PHF24: variants seen among roughly 807,000 people sequenced by gnomAD.
The protein encoded by PHF24 is PHD finger protein 24.
A neutral mutation model predicts 42.6 loss-of-function variants in PHF24; 25 were observed. That is an observed-to-expected ratio of 0.59 (90% confidence interval 0.43 to 0.82). The LOEUF (loss-of-function observed/expected upper bound fraction) is 0.82. PHF24 is among the 40% of genes least tolerant of loss of function. The probability of loss-of-function intolerance (pLI) is 0.00; values close to 1 mark genes in which losing one functional copy is unlikely to be tolerated. For synonymous variants in PHF24, 185 were observed against 204.8 expected (o/e 0.90, Z 0.83); for missense variants, 470 against 538.1 (o/e 0.87, Z 1.25).
At chr9:34,710,764 AC>A in the PHF24 span, among the ~76,000 whole-genome samples, 2 of 151,822 alleles carry the variant, frequency 1.3e-5, no homozygotes, top group African/African-American at 4.8e-5. Flanking sequence ...ACATGCCACT[AC>A]GTCCGGCTAC....
At chr9:34,753,824 A>G in the PHF24 span, among the ~76,000 whole-genome samples, 57 of 152,096 alleles carry the variant, frequency 3.7e-4, no homozygotes, top group Non-Finnish European at 1.8e-4. Flanking sequence ...AAACTCAGAA[A>G]CAAATCCATG....
the PHF24 span, chr9:34,729,320 A>G: frequency 1.3e-6 from 2 of 1,552,148 alleles, no homozygotes; most frequent in Non-Finnish European, 8.7e-7. Flanking sequence ...AACTCAATTC[A>G]TGGTGGCTCC....
At chr9:34,980,033 A>G (rs1210042787) in exon 8 of PHF24, 1 of 151,954 alleles carries the variant, frequency 6.6e-6, no homozygotes, top group Non-Finnish European at 1.5e-5. Flanking sequence ...GCTCTTACCT[A>G]CTCTCCTGGC....
the PHF24 span, among the ~76,000 whole-genome samples, chr9:34,702,807 CT>C: frequency 6.6e-6 from 1 of 151,970 alleles, no homozygotes; most frequent in African/African-American, 2.4e-5. Context: ...AAGACCCTGT[CT>C]CAAAAAAAGA....
At chr9:34,875,934 A>ACTCTCTCT in the PHF24 span, among the ~76,000 whole-genome samples, 455 of 77,682 alleles carry the variant, frequency 5.9e-3, 4 homozygotes, top group Non-Finnish European at 8.6e-3. Context: ...ACACACACAC[A>ACTCTCTCT]CACACACACA....
At chr9:34,770,706 G>C in the PHF24 span, among the ~76,000 whole-genome samples, 7 of 152,056 alleles carry the variant, frequency 4.6e-5, no homozygotes, top group African/African-American at 1.7e-4. Context: ...CGGGATGGCG[G>C]TATGGGTTAG....
At chr9:34,981,025 T>C (rs1248543836) in exon 8 of PHF24, 1 of 152,390 alleles carries the variant, frequency 6.6e-6, no homozygotes, top group African/African-American at 2.4e-5. Flanking sequence ...TGGCTTCCTC[T>C]CCTGAGCCCA....
the PHF24 span, among the ~76,000 whole-genome samples, chr9:34,773,280 G>A: frequency 1.3e-5 from 2 of 152,170 alleles, no homozygotes; most frequent in African/African-American, 4.8e-5. Flanking sequence ...ATGAGCCACC[G>A]TGCCCGGCCC....
the PHF24 span, among the ~76,000 whole-genome samples, chr9:34,930,731 C>T: frequency 1.3e-5 from 2 of 152,192 alleles, no homozygotes; most frequent in African/African-American, 4.8e-5. Context: ...TGGAGAGGAA[C>T]TAGCCCAGAT....
At chr9:34,734,147 CAATT>C in the PHF24 span, among the ~76,000 whole-genome samples, 1 of 152,186 alleles carries the variant, frequency 6.6e-6, no homozygotes, top group South Asian at 2.1e-4. Context: ...TAGGTCAACT[CAATT>C]AACCTTAATC....
the PHF24 span, among the ~76,000 whole-genome samples, chr9:34,910,580 A>C: frequency 1.3e-5 from 2 of 152,344 alleles, no homozygotes; most frequent in Middle Eastern, 3.4e-3. Flanking sequence ...TGTATTTGTC[A>C]ATTAAAATAT....
the PHF24 span, chr9:34,922,598 C>T: frequency 3.1e-6 from 3 of 958,452 alleles, no homozygotes; most frequent in Non-Finnish European, 5.1e-6. Context: ...TTGTGAAGCA[C>T]TGGGGATCAA....
the PHF24 span, among the ~76,000 whole-genome samples, chr9:34,765,962 C>T: frequency 6.6e-6 from 1 of 151,586 alleles, no homozygotes; most frequent in South Asian, 2.1e-4. Flanking sequence ...ACTTATGAAG[C>T]TTAGTTTGGC....
chr9:34,727,074 C>T, the PHF24 span: 1 of 1,475,302 alleles, frequency 6.8e-7, no homozygotes, highest in Non-Finnish European at 9.0e-7. Flanking sequence ...ACTCTCCTTT[C>T]CCAGTCCTGA....
the PHF24 span, among the ~76,000 whole-genome samples, chr9:34,670,054 T>G: frequency 1.3e-5 from 2 of 152,186 alleles, no homozygotes; most frequent in African/African-American, 2.4e-5. Flanking sequence ...CATAAAACTT[T>G]CTGGTTGATG....
the PHF24 span, among the ~76,000 whole-genome samples, chr9:34,699,537 T>C: frequency 6.6e-6 from 1 of 152,344 alleles, no homozygotes; most frequent in East Asian, 1.9e-4. Flanking sequence ...TTAACCCTTT[T>C]TGAGCATGCC....
At chr9:34,785,055 C>A in the PHF24 span, among the ~76,000 whole-genome samples, 1 of 152,186 alleles carries the variant, frequency 6.6e-6, no homozygotes. Context: ...TAACAAGATG[C>A]CACAGACTGG....
At chr9:34,832,557 T>C in the PHF24 span, 3 of 1,537,608 alleles carry the variant, frequency 2.0e-6, no homozygotes, top group South Asian at 1.2e-5. Context: ...CTTTGCAACA[T>C]TTTCTTTTCT....
At chr9:34,895,810 C>T in the PHF24 span, 1 of 398,118 alleles carries the variant, frequency 2.5e-6, no homozygotes, top group Non-Finnish European at 4.4e-6. Context: ...GTCATTTCTG[C>T]CTCACAGAAG....
Sources: allele counts gnomAD v4.1 joint callset (sites outside exome capture counted in the v4.1 genomes callset), GRCh38; gene constraint gnomAD v4.1.1; transcripts MANE v1.5; gene names NCBI Gene and HGNC (gene_info 2026-07-23, HGNC 2026-07-21).